SMC6: variants seen among roughly 807,000 people sequenced by gnomAD.
SMC6 encodes the protein structural maintenance of chromosomes 6.
In SMC6, 79 loss-of-function variants were observed where a neutral mutation model predicts 142.2. The ratio of observed to expected loss-of-function variants is 0.56; its 90% CI spans 0.46 to 0.67. The LOEUF (loss-of-function observed/expected upper bound fraction) is 0.67. Among genes scored for constraint, SMC6 ranks in the 30% least tolerant of loss-of-function variants. The pLI is 0.00. For synonymous variants in SMC6, 411 were observed against 412.4 expected, an observed-to-expected ratio of 1.00 and a Z score of 0.04; for missense variants, 1,072 against 1,284.0, an observed-to-expected ratio of 0.83 and a Z score of 2.52.
intron 12 of SMC6, 104 bp from the exon 13 acceptor site, chr2:17,717,280 A>AT (rs778789594): frequency 2.3e-5 from 16 of 681,446 alleles, no homozygotes; most frequent in Middle Eastern, 4.2e-4. Context: ...ACAGGAATAT[A>AT]TTTTTTAAAT....
intron 17 of SMC6, 38 bp from the exon 18 acceptor site, chr2:17,707,417 G>A (rs369953259): frequency 2.3e-5 from 31 of 1,358,436 alleles, no homozygotes; most frequent in Non-Finnish European, 3.0e-5. Context: ...TTAAGACGAT[G>A]TGAAAATTTT....
intron 16 of SMC6, chr2:17,713,267 T>G (rs1315015083): frequency 3.1e-6 from 1 of 327,518 alleles, no homozygotes; most frequent in Non-Finnish European, 6.0e-6. Flanking sequence ...GGCTTTTGTA[T>G]CTTAAGCAGA....
At chr2:17,713,518 G>T in intron 16 of SMC6, 1 of 471,126 alleles carries the variant, frequency 2.1e-6, no homozygotes, top group Middle Eastern at 3.3e-4. Flanking sequence ...CTCTTCTTCA[G>T]AGTCTTTGTG....
At chr2:17,715,958 T>G in intron 15 of SMC6, 128 bp downstream of exon 15, 1 of 816,620 alleles carries the variant, frequency 1.2e-6, no homozygotes, top group Non-Finnish European at 1.7e-6. Context: ...AAACGAAAGC[T>G]ACAAAGCTTT....
chr2:17,730,416 A>G (rs1225404177), intron 7 of SMC6, among the ~76,000 whole-genome samples: 2 of 149,590 alleles, frequency 1.3e-5, no homozygotes, highest in Non-Finnish European at 3.0e-5. Flanking sequence ...AAAAAAAAGG[A>G]GTTTAGCAAC....
intron 25 of SMC6, among the ~76,000 whole-genome samples, chr2:17,673,987 T>C (rs569665415): frequency 6.6e-6 from 1 of 152,308 alleles, no homozygotes; most frequent in African/African-American, 2.4e-5. Context: ...TATGTATGAT[T>C]TATGCACACA....
chr2:17,738,413 G>T, intron 4 of SMC6, 87 bp from the exon 5 acceptor site: 1 of 759,816 alleles, frequency 1.3e-6, no homozygotes, highest in Non-Finnish European at 2.0e-6. Context: ...AAAGATTTAT[G>T]AATGAGACTC....
chr2:17,716,802 G>C lies in SMC6; in HGVS notation c.1285C>G (p.Gln429Glu), dbSNP rs1169156998. 6.2e-7 allele frequency: 1 copy of C among 1,613,408 alleles called. No individual in the cohort carries two copies. Among genetic ancestry groups the C allele is most frequent in the Non-Finnish European group, 8.5e-7 (1 of 1,179,732 alleles). Reference protein sequence around the residue: ...AFQNQENSVNQEIEQFQQAIE... With the variant: ...AFQNQENSVNEEIEQFQQAIE... ...GCTTGCTGAAACTGTTCGATCTCTT[G>C]ATTGACTGAATTTTCTTGATTTTGA... The change falls in exon 14 of 28, where the codon CAA becomes GAA. Residue 429 changes from glutamine (Q) to glutamate (E), a missense_variant. Coordinates refer to ENST00000448223, the MANE Select transcript of SMC6 (RefSeq NM_001142286.2).
chr2:17,709,093 T>C (rs966143624), intron 16 of SMC6, among the ~76,000 whole-genome samples: 1 of 152,096 alleles, frequency 6.6e-6, no homozygotes, highest in Non-Finnish European at 1.5e-5. Flanking sequence ...GAGTTGAGTA[T>C]GTTCCCCAAC....
chr2:17,677,895 G>C (rs548570177), intron 25 of SMC6, among the ~76,000 whole-genome samples: 6 of 152,136 alleles, frequency 3.9e-5, no homozygotes, highest in Admixed American at 1.3e-4. Context: ...AACATTTATT[G>C]TAAGTATTAA....
Position 17,696,199 on chromosome 2 carries a change from G to A in SMC6, c.2532+90C>T, listed in dbSNP as rs1572281265. 11 of 1,477,724 alleles carry A rather than the reference G, an allele frequency of 7.4e-6. No homozygotes were observed. The East Asian group carries it at 2.5e-4, about 34-fold the overall frequency. The allele number at this position is 1,477,724 out of a possible 1,614,324, so 91.5% of individuals were successfully genotyped here. On this transcript the variant is annotated intron_variant, in intron 22 of 27. Coordinates refer to ENST00000448223, the MANE Select transcript of SMC6 (RefSeq NM_001142286.2). ...AAACAGAAATTCAGACAACTTTTCT[G>A]TTTTTAGAAACATGACATTAGGGAA...
chr2:17,699,874 T>C (rs1168742702), intron 21 of SMC6, among the ~76,000 whole-genome samples: 1 of 152,038 alleles, frequency 6.6e-6, no homozygotes, highest in Non-Finnish European at 1.5e-5. Flanking sequence ...GAAGCAAAGC[T>C]GGGACAACAA....
At chr2:17,674,423 T>A (rs1485336011) in intron 25 of SMC6, among the ~76,000 whole-genome samples, 2 of 152,204 alleles carry the variant, frequency 1.3e-5, no homozygotes, top group Non-Finnish European at 2.9e-5. Flanking sequence ...ATGACATCAA[T>A]CCTTTGAAAT....
chr2:17,703,709 T>C (rs1009296888), intron 18 of SMC6, among the ~76,000 whole-genome samples: 5 of 152,104 alleles, frequency 3.3e-5, no homozygotes, highest in Non-Finnish European at 7.4e-5. Flanking sequence ...AGTAAATATA[T>C]TTTCTCTTCC....
chr2:17,667,749 C>T (rs1666566747), intron 26 of SMC6, among the ~76,000 whole-genome samples: 1 of 152,098 alleles, frequency 6.6e-6, no homozygotes, highest in African/African-American at 2.4e-5. Flanking sequence ...ACTCAGGTGG[C>T]TGAGTCACAA....
At chr2:17,713,282 G>C (rs919775366) in intron 16 of SMC6, 1 of 329,370 alleles carries the variant, frequency 3.0e-6, no homozygotes, top group Non-Finnish European at 6.0e-6. Flanking sequence ...AGCAGACTTC[G>C]AGTCAGCTTC....
intron 20 of SMC6, among the ~76,000 whole-genome samples, chr2:17,701,060 TA>T (rs1287496564): frequency 1.5e-4 from 22 of 149,346 alleles, no homozygotes; most frequent in African/African-American, 5.4e-4. Flanking sequence ...ATAATAATAA[TA>T]ATAATAATAC....
intron 4 of SMC6, among the ~76,000 whole-genome samples, chr2:17,739,865 C>CACACACAG (rs1176077033): frequency 1.8e-4 from 24 of 133,928 alleles, no homozygotes; most frequent in African/African-American, 6.7e-4. Flanking sequence ...CACACACACA[C>CACACACAG]AGAGAATATG....
At chr2:17,706,611 CCATCAATTCATCAACT>C (rs1322298078) in intron 18 of SMC6, among the ~76,000 whole-genome samples, 4 of 152,142 alleles carry the variant, frequency 2.6e-5, no homozygotes, top group South Asian at 2.1e-4. Flanking sequence ...CAGGCCCAAA[CCATCAATTCATCAACT>C]GAATGAATTC....
Sources: gnomAD v4.1 joint callset for allele counts (sites outside exome capture counted in the v4.1 genomes callset) on GRCh38, gnomAD v4.1.1 for gene constraint, MANE v1.5 for transcripts, NCBI Gene and HGNC (gene_info 2026-07-23, HGNC 2026-07-21) for gene names.